Variants in ZNF385D observed in about 807,000 individuals in gnomAD.
The protein encoded by ZNF385D is zinc finger protein 385D, also known as zinc finger protein 659.
ZNF385D carries 15 observed loss-of-function variants against 35.8 expected under a neutral mutation model. The ratio of observed to expected loss-of-function variants is 0.42; its 90% CI spans 0.28 to 0.64. The LOEUF (loss-of-function observed/expected upper bound fraction) is 0.64. Ranked by LOEUF, ZNF385D falls within the 30% of genes least tolerant of loss-of-function variation. The pLI, the probability that ZNF385D is intolerant of heterozygous loss-of-function variation, is 0.23. For synonymous variants in ZNF385D, 212 were observed against 186.8 expected, an observed-to-expected ratio of 1.13 and a Z score of -1.10; for missense variants, 474 against 494.6, an observed-to-expected ratio of 0.96 and a Z score of 0.39.
intron 2 of ZNF385D, among the ~76,000 whole-genome samples, chr3:21,650,010 G>C (rs1425043742): frequency 6.6e-6 from 1 of 150,762 alleles, no homozygotes; most frequent in African/African-American, 2.4e-5. Context: ...TATTGAACCA[G>C]ATCAATAACT....
intron 3 of ZNF385D, among the ~76,000 whole-genome samples, chr3:21,916,949 C>A (rs1024702010): frequency 1.3e-5 from 2 of 152,154 alleles, no homozygotes; most frequent in Admixed American, 6.5e-5. Flanking sequence ...TTAGCTCCCC[C>A]ACACTCCCAC....
chr3:21,564,315 G>A (rs1300429901), intron 3 of ZNF385D, among the ~76,000 whole-genome samples: 2 of 151,844 alleles, frequency 1.3e-5, no homozygotes, highest in African/African-American at 2.4e-5. Flanking sequence ...ATTCCCAAAA[G>A]ACTAAAAAAT....
rs553407307 is a variant in ZNF385D, at chr3:21,621,508, C to T, written c.165+43378G>A. Among the ~76,000 whole-genome samples the T allele has an allele frequency of 4.2e-4, 63 of 149,664 alleles. 2 individuals are homozygous for T. In the South Asian group the frequency reaches 0.012, roughly 29 times the overall value. ...TTCAGGTTGTTGACAAGGCATTGAGCAAGAAACTGCCAATTTGCTGTGTCA... is the reference window on the plus strand; with the variant it reads ...TTCAGGTTGTTGACAAGGCATTGAGTAAGAAACTGCCAATTTGCTGTGTCA... On this transcript the variant is annotated intron_variant, in intron 2 of 7. Transcript: ENST00000281523.
At chr3:21,443,276 C>CAGGT (rs1701960074) in intron 4 of ZNF385D, 1 of 985,256 alleles carries the variant, frequency 1.0e-6, no homozygotes, top group Non-Finnish European at 1.2e-6. Context: ...AAGGATGATT[C>CAGGT]AGGTGAGGGG....
At chr3:21,946,999 TAA>T (rs34955569) in intron 3 of ZNF385D, among the ~76,000 whole-genome samples, 1 of 151,316 alleles carries the variant, frequency 6.6e-6, no homozygotes, top group Non-Finnish European at 1.5e-5. Flanking sequence ...TTGACCCTTC[TAA>T]AAAAAAACAT....
At chr3:21,588,543 C>T (rs1481975457) in intron 2 of ZNF385D, among the ~76,000 whole-genome samples, 2 of 151,748 alleles carry the variant, frequency 1.3e-5, no homozygotes, top group Non-Finnish European at 2.9e-5. Context: ...ATAACATATA[C>T]AATATATATA....
intron 3 of ZNF385D, among the ~76,000 whole-genome samples, chr3:21,874,543 A>T (rs964858408): frequency 1.3e-5 from 2 of 152,032 alleles, no homozygotes; most frequent in Admixed American, 1.3e-4. Flanking sequence ...TGGGCTTTCT[A>T]TTCCTTTCCA....
At chr3:22,121,750 G>T (rs938554477) in intron 3 of ZNF385D, among the ~76,000 whole-genome samples, 10 of 151,090 alleles carry the variant, frequency 6.6e-5, no homozygotes, top group Non-Finnish European at 1.3e-4. Context: ...CATTTTAAAA[G>T]TTTTCTTTCC....
At chr3:21,551,612 T>G (rs371633420) in intron 3 of ZNF385D, among the ~76,000 whole-genome samples, 1 of 152,296 alleles carries the variant, frequency 6.6e-6, no homozygotes, top group East Asian at 1.9e-4. Context: ...ACATTACTAA[T>G]TTGCCTAGGT....
intron 1 of ZNF385D, among the ~76,000 whole-genome samples, chr3:21,707,509 T>G (rs903361985): frequency 6.6e-6 from 1 of 152,184 alleles, no homozygotes; most frequent in Non-Finnish European, 1.5e-5. Flanking sequence ...ACATTGTGAG[T>G]GCTTCTTTGT....
intron 2 of ZNF385D, among the ~76,000 whole-genome samples, chr3:22,307,047 A>T (rs1476803172): frequency 6.6e-6 from 1 of 152,182 alleles, no homozygotes; most frequent in Non-Finnish European, 1.5e-5. Context: ...TCTGAAATTC[A>T]CATAGAGAAA....
intron 3 of ZNF385D, among the ~76,000 whole-genome samples, chr3:21,807,109 G>T (rs934636260): frequency 2.0e-5 from 3 of 152,136 alleles, no homozygotes; most frequent in African/African-American, 7.2e-5. Flanking sequence ...AATATAATGT[G>T]AATCAGATGT....
chr3:21,696,026 A>C (rs1318452947), intron 1 of ZNF385D, among the ~76,000 whole-genome samples: 1 of 152,164 alleles, frequency 6.6e-6, no homozygotes, highest in East Asian at 1.9e-4. Context: ...TTTACAAATA[A>C]GAGAAGTGAG....
intron 3 of ZNF385D, among the ~76,000 whole-genome samples, chr3:21,870,201 CATA>C (rs1697611652): frequency 6.6e-6 from 1 of 152,146 alleles, no homozygotes; most frequent in African/African-American, 2.4e-5. Context: ...TGACCAATAT[CATA>C]ATTGTCAACA....
chr3:22,219,330 A>G lies in ZNF385D; in HGVS notation c.107-50295T>C, dbSNP rs1576515365. 2.6e-5 allele frequency among the ~76,000 whole-genome samples: 4 copies of G among 152,236 alleles called. No individual in the cohort carries two copies. In the East Asian group the frequency reaches 7.7e-4, roughly 29 times the overall value. On this transcript the variant is annotated intron_variant, in intron 2 of 5. Transcript: ENST00000494108. The stretch of plus-strand genomic sequence containing the variant: ...CTCCCCAACCCTGTTCTATGTATTA[A>G]GAGTATCCTAATCAGGAGGATATCA...
At chr3:21,811,346 G>T (rs1448693656) in intron 3 of ZNF385D, among the ~76,000 whole-genome samples, 1 of 152,076 alleles carries the variant, frequency 6.6e-6, no homozygotes, top group African/African-American at 2.4e-5. Context: ...AGGACTGGGA[G>T]AGGAAATATT....
Position 21,412,387 on chromosome 3 carries a change from G to A in ZNF385D, c.*8827C>T, listed in dbSNP as rs1700504410. ...GAACAGGAGTATATTACAAACAAGT[G>A]GAATAGAACATAGAGAATACATAAT... On this transcript the variant is annotated 3_prime_UTR_variant, in exon 8 of 8. Transcript: ENST00000281523. 1 of 151,994 alleles carries A rather than the reference G, an allele frequency of 6.6e-6. No individual in the cohort carries two copies. Among genetic ancestry groups the A allele is most frequent in the Non-Finnish European group, 1.5e-5 (1 of 67,924 alleles). The allele number at this position is 151,994 out of a possible 1,614,324, so 9.4% of individuals were successfully genotyped here.
intron 2 of ZNF385D, among the ~76,000 whole-genome samples, chr3:22,184,672 C>G (rs907237275): frequency 6.6e-6 from 1 of 152,052 alleles, no homozygotes; most frequent in African/African-American, 2.4e-5. Flanking sequence ...CTTACAAACA[C>G]AAAAATTAGC....
At chr3:21,761,911 G>A (rs984461159) in intron 3 of ZNF385D, among the ~76,000 whole-genome samples, 80 of 109,096 alleles carry the variant, frequency 7.3e-4, no homozygotes, top group African/African-American at 2.1e-3. Flanking sequence ...ACGGAGTCTC[G>A]CTCTGTCACC....
Sources: allele counts gnomAD v4.1 joint callset (sites outside exome capture counted in the v4.1 genomes callset), GRCh38; gene constraint gnomAD v4.1.1; transcripts MANE v1.5; gene names NCBI Gene and HGNC (gene_info 2026-07-23, HGNC 2026-07-21).